Variants in C17orf99 observed in about 807,000 individuals in gnomAD.
C17orf99 encodes chromosome 17 open reading frame 99.
C17orf99 carries 18 observed loss-of-function variants against 22.6 expected under a neutral mutation model. The observed-to-expected ratio is 0.80, with a 90% CI of 0.55 to 1.18. The LOEUF is 1.18. C17orf99 is among the 50% of genes most tolerant of loss of function. The pLI, the probability that C17orf99 is intolerant of heterozygous loss-of-function variation, is 0.00. For missense variants in C17orf99, 328 were observed against 342.7 expected (o/e 0.96, Z 0.34); for synonymous variants, 147 against 136.6 (o/e 1.08, Z -0.53).
chr17:78,163,905 T>C (rs994119521), intron 3 of C17orf99, among the ~76,000 whole-genome samples, 190 bp from the exon 4 acceptor site: 1 of 152,188 alleles, frequency 6.6e-6, no homozygotes, highest in African/African-American at 2.4e-5. Context: ...AATGTGAAAT[T>C]GTGTGGTACA....
At chr17:78,156,413 G>A (rs1027497918) in intron 2 of C17orf99, among the ~76,000 whole-genome samples, 1 of 150,162 alleles carries the variant, frequency 6.7e-6, no homozygotes, top group African/African-American at 2.5e-5. Flanking sequence ...TTTCCACAAT[G>A]AAATTGACTC....
chr17:78,160,093 T>C (rs1373190376), intron 2 of C17orf99: 1 of 456,140 alleles, frequency 2.2e-6, no homozygotes, highest in Middle Eastern at 3.2e-4. Context: ...GGCCTGGAAT[T>C]GTTGAGTCAT....
At chr17:78,153,097 T>TA (rs199660577) in intron 2 of C17orf99, among the ~76,000 whole-genome samples, 15,712 of 147,924 alleles carry the variant, frequency 0.11, 1,339 homozygotes, top group African/African-American at 0.23. Flanking sequence ...AAAAATAAAT[T>TA]AAAAAAAAAA....
intron 2 of C17orf99, among the ~76,000 whole-genome samples, chr17:78,153,345 C>T (rs1202372460): frequency 6.6e-6 from 1 of 151,822 alleles, no homozygotes; most frequent in Admixed American, 6.6e-5. Context: ...ATTAGCCGGG[C>T]GTGGTGGTGC....
intron 2 of C17orf99, chr17:78,158,790 AGTTTTTGTTTGTTT>A (rs2075549593): frequency 6.0e-6 from 1 of 165,760 alleles, no homozygotes; most frequent in African/African-American, 2.4e-5. Flanking sequence ...CTTGTGGTTT[AGTTTTTGTTTGTTT>A]GTTTTTGTTT....
chr17:78,160,590 C>G (rs975701094), intron 2 of C17orf99, among the ~76,000 whole-genome samples: 25 of 149,002 alleles, frequency 1.7e-4, no homozygotes, highest in African/African-American at 6.2e-4. Context: ...CATCCTTTTT[C>G]TTTTTTTCCT....
At chr17:78,150,700 A>T (rs1361197691) in intron 2 of C17orf99, among the ~76,000 whole-genome samples, 1 of 152,172 alleles carries the variant, frequency 6.6e-6, no homozygotes, top group Non-Finnish European at 1.5e-5. Context: ...ATCGCCTGGG[A>T]CACCTGAAGG....
At chr17:78,165,439 C>T (rs2075610343) in intron 4 of C17orf99, 36 of 985,498 alleles carry the variant, frequency 3.7e-5, no homozygotes, top group Non-Finnish European at 4.3e-5. Flanking sequence ...GGGGTACAGC[C>T]TTCATTTAGT....
intron 2 of C17orf99, among the ~76,000 whole-genome samples, chr17:78,149,774 A>G (rs563614381): frequency 7.6e-4 from 116 of 151,818 alleles, no homozygotes; most frequent in Non-Finnish European, 1.5e-3. Flanking sequence ...CAGTGGTGCA[A>G]TCTCGGCTCA....
rs61377640 is a variant in C17orf99 at position 78,166,155 on chromosome 17, CAAAAAAAAAA to C, written c.*122_*131del. 1.9e-4 allele frequency: 27 copies of C among 145,746 alleles called. No individual in the cohort carries two copies. The highest frequency in any genetic ancestry group is 6.0e-4 in the African/African-American group (14 of 23,258). 9.0% of individuals were successfully genotyped at this position (145,746 alleles called of 1,614,324 possible). A position where few individuals can be genotyped will look rare whatever the true frequency, so the allele number is the denominator to read the frequency against. On this transcript the variant is annotated 3_prime_UTR_variant, in exon 5 of 5. Coordinates refer to ENST00000340363, the MANE Select transcript of C17orf99 (RefSeq NM_001163075.2). ...GAGTGTGTTTTAGCTGCTCTTGCCACAAAAAAAAAAAAAAAAAAAAAAGGGTAACTATGAG... is the reference window on the plus strand; with the variant it reads ...GAGTGTGTTTTAGCTGCTCTTGCCACAAAAAAAAAAAAGGGTAACTATGAG...
At chr17:78,150,784 T>C (rs1015350212) in intron 2 of C17orf99, among the ~76,000 whole-genome samples, 1 of 151,916 alleles carries the variant, frequency 6.6e-6, no homozygotes, top group Admixed American at 6.6e-5. Flanking sequence ...GGTTGGAAGG[T>C]TGAGGATACA....
rs1195530741 is a variant in C17orf99, at chr17:78,161,150, TC to T, written c.267del (p.Lys90SerfsTer57). On this transcript the variant is annotated frameshift_variant, in exon 3 of 5. Coordinates refer to ENST00000340363, the MANE Select transcript of C17orf99 (RefSeq NM_001163075.2). LOFTEE classifies it high-confidence loss of function. Reference protein sequence around the residue: ...EPASFNLNVTLKSSPDLLTYF... With the variant: ...EPASFNLNVTXKSSPDLLTYF... ...GCCTCCTTCAACCTCAACGTCACAC[TC>T]AAGTCCAGTCCAGACCTGCTCACCT... is the stretch of plus-strand genomic sequence containing the variant. 6.4e-7 allele frequency: 1 copy of T among 1,551,620 alleles called. No individual in the cohort carries two copies. The highest frequency in any genetic ancestry group is 8.7e-7 in the Non-Finnish European group (1 of 1,146,976).
At chr17:78,159,382 T>C (rs1462192780) in intron 2 of C17orf99, among the ~76,000 whole-genome samples, 2 of 152,064 alleles carry the variant, frequency 1.3e-5, no homozygotes, top group Non-Finnish European at 2.9e-5. Flanking sequence ...CTCACATCTG[T>C]AATCCCAGCA....
At position 78,146,767 on chromosome 17, in the gene C17orf99, A is replaced by G; in HGVS notation, c.38-112A>G. ...GCCAGCTGAGTCCTGGGGCCTCACT[A>G]CCAAGAATCAGCCTGCTCCTCCCTC... On this transcript the variant is annotated intron_variant, in intron 1 of 4. Transcript: ENST00000340363. The surrounding 1 kb of genome is among the most constrained non-coding windows in gnomAD (Gnocchi z 5.2). 9.3e-7 allele frequency: 1 copy of G among 1,077,406 alleles called. No homozygotes were observed. Among genetic ancestry groups the G allele is most frequent in the Admixed American group, 2.1e-5 (1 of 48,066 alleles). The allele number at this position is 1,077,406 out of a possible 1,614,324, so 66.7% of individuals were successfully genotyped here. A position where few individuals can be genotyped will look rare whatever the true frequency, so the allele number is the denominator to read the frequency against.
At chr17:78,154,926 G>A (rs1051883631) in intron 2 of C17orf99, among the ~76,000 whole-genome samples, 1 of 152,048 alleles carries the variant, frequency 6.6e-6, no homozygotes, top group Non-Finnish European at 1.5e-5. Context: ...AATAATTGTT[G>A]GTGTCTGTGC....
Position 78,161,387 on chromosome 17 carries a change from C to G in C17orf99, c.370+133C>G, listed in dbSNP as rs1282530319. The G allele has an allele frequency of 3.1e-5, 24 of 768,784 alleles. 1 individual carries two copies. The highest frequency in any genetic ancestry group is 4.8e-5 in the Non-Finnish European group (23 of 483,218). The allele number at this position is 768,784 out of a possible 1,614,324, so 47.6% of individuals were successfully genotyped here. ...GTGTGAGGGTGTGGACAAGGACAGGCTGCCACCTCCAAGGCCATTCTCAGT... is the reference window on the plus strand; with the variant it reads ...GTGTGAGGGTGTGGACAAGGACAGGGTGCCACCTCCAAGGCCATTCTCAGT... On this transcript the variant is annotated intron_variant, in intron 3 of 4. Transcript: ENST00000340363.
intron 2 of C17orf99, among the ~76,000 whole-genome samples, chr17:78,152,014 A>G (rs1391128031): frequency 6.6e-6 from 1 of 152,148 alleles, no homozygotes; most frequent in Admixed American, 6.5e-5. Flanking sequence ...GGGCCTGGAC[A>G]TGAGCCCTCC....
chr17:78,161,242 G>A lies in C17orf99; in HGVS notation c.358G>A (p.Glu120Lys). The A allele has an allele frequency of 6.4e-7, 1 of 1,551,580 alleles. No individual in the cohort carries two copies. The highest frequency in any genetic ancestry group is 8.7e-7 in the Non-Finnish European group (1 of 1,146,840). ...VDSARLQMHW[E>K]LWSKPVSELR... ...CAGTGCCAGGCTACAGATGCACTGG[G>A]AGCTGTGGTCCAGTGAGTGCGGTGG... Residue 120 changes from glutamate (E) to lysine (K), a missense_variant, in exon 3 of 5, where the codon GAG (glutamate) becomes AAG (lysine). By Grantham distance (56) the Glu-to-Lys change is moderately conservative (BLOSUM62 1). Transcript: ENST00000340363.
rs980262122 is a variant in C17orf99 at position 78,146,867 on chromosome 17, C to T, written c.38-12C>T. On this transcript the variant is annotated splice_polypyrimidine_tract_variant and intron_variant, in intron 1 of 4. Transcript: ENST00000340363. The surrounding 1 kb of genome is among the most constrained non-coding windows in gnomAD (Gnocchi z 5.2). Reference sequence around the variant, plus strand: ...CCAGGCCCTCTCCTTATCGCCCTTACCTCTCTTACAGCTGCCAGCAGCTTC... The same window carrying T: ...CCAGGCCCTCTCCTTATCGCCCTTATCTCTCTTACAGCTGCCAGCAGCTTC... 9.7e-6 allele frequency: 15 copies of T among 1,551,274 alleles called. No homozygotes were observed. The highest frequency in any genetic ancestry group is 1.3e-5 in the Non-Finnish European group (15 of 1,146,766).
Sources: gnomAD v4.1 joint callset for allele counts (sites outside exome capture counted in the v4.1 genomes callset) on GRCh38, gnomAD v4.1.1 for gene constraint, Gnocchi (gnomAD v3.1) non-coding constraint, MANE v1.5 for transcripts, NCBI Gene and HGNC (gene_info 2026-07-23, HGNC 2026-07-21) for gene names.